The following C9 variants were observed in gnomAD, a reference collection of about 807,000 sequenced individuals.
The protein encoded by C9 is complement component C9.
Under a neutral mutation model 65.4 loss-of-function variants are expected in C9, and 63 were observed. That is an observed-to-expected ratio of 0.96 (90% CI 0.79 to 1.19). The LOEUF is 1.19. Among genes scored for constraint, C9 ranks in the 50% most tolerant of loss-of-function variants. C9 has a pLI of 0.00. For missense variants in C9, 744 were observed against 670.1 expected, an observed-to-expected ratio of 1.11 and a Z score of -1.22; for synonymous variants, 229 against 227.9, an observed-to-expected ratio of 1.00 and a Z score of -0.04.
chr5:39,356,157 C>T (rs899064900), intron 1 of C9, among the ~76,000 whole-genome samples: 18 of 152,280 alleles, frequency 1.2e-4, no homozygotes, highest in African/African-American at 4.3e-4. Context: ...CTTTACTCTA[C>T]CTTTTCTTGG....
At chr5:39,339,026 T>C (rs1014985208) in intron 4 of C9, among the ~76,000 whole-genome samples, 1 of 152,232 alleles carries the variant, frequency 6.6e-6, no homozygotes, top group Non-Finnish European at 1.5e-5. Flanking sequence ...AAGAAAGTTG[T>C]TTCTTGGATC....
chr5:39,296,108 C>T (rs868222831), intron 9 of C9, among the ~76,000 whole-genome samples: 6 of 151,566 alleles, frequency 4.0e-5, no homozygotes, highest in Non-Finnish European at 8.9e-5. Context: ...TGCTTCAGGA[C>T]ATTGGTCAGG....
At chr5:39,334,402 GC>G (rs1406576943) in intron 4 of C9, among the ~76,000 whole-genome samples, 2 of 150,192 alleles carry the variant, frequency 1.3e-5, no homozygotes, top group Non-Finnish European at 3.0e-5. Flanking sequence ...GAAGTGAGGA[GC>G]CCCTCCGCCC....
At chr5:39,359,102 G>GTGTGTGTGTA (rs1407613505) in intron 1 of C9, among the ~76,000 whole-genome samples, 24 of 103,602 alleles carry the variant, frequency 2.3e-4, no homozygotes, top group Admixed American at 3.3e-4. Context: ...GTGTGTGTGT[G>GTGTGTGTGTA]TATATATATA....
At chr5:39,314,625 A>T (rs941744715) in intron 6 of C9, among the ~76,000 whole-genome samples, 2 of 152,088 alleles carry the variant, frequency 1.3e-5, no homozygotes, top group Admixed American at 1.3e-4. Flanking sequence ...AACTTTTATC[A>T]CACCAGGTTT....
Position 39,285,213 on chromosome 5 carries a change from G to A in C9, c.1666C>T (p.Pro556Ser). 1 of 1,612,840 alleles carries A rather than the reference G, an allele frequency of 6.2e-7. No homozygotes were observed. The highest frequency in any genetic ancestry group is 2.2e-5 in the East Asian group (1 of 44,864). The change falls in exon 11 of 11, where the codon CCC becomes TCC. Residue 556 changes from proline to serine, a missense_variant. By Grantham distance (74) the Pro-to-Ser change is moderately conservative. Transcript: ENST00000263408. ...ISEGLPALEF[P>S]NEK ...AGCCAACAGCTCTATTTTTCATTGGGGAACTCTAGGGCTGGCAATCCTAGA... is the reference window on the plus strand; with the variant it reads ...AGCCAACAGCTCTATTTTTCATTGGAGAACTCTAGGGCTGGCAATCCTAGA...
intron 1 of C9, among the ~76,000 whole-genome samples, chr5:39,349,860 T>C (rs1175214324): frequency 6.6e-6 from 1 of 152,224 alleles, no homozygotes; most frequent in African/African-American, 2.4e-5. Context: ...CCTCTTCTTC[T>C]GATAGTCCTT....
At chr5:39,359,337 G>T (rs1754475000) in intron 1 of C9, among the ~76,000 whole-genome samples, 1 of 151,680 alleles carries the variant, frequency 6.6e-6, no homozygotes, top group Non-Finnish European at 1.5e-5. Context: ...CTAAGCAATT[G>T]GTCACTGGGC....
intron 1 of C9, among the ~76,000 whole-genome samples, chr5:39,346,743 T>C (rs375995541): frequency 4.6e-5 from 7 of 152,092 alleles, no homozygotes; most frequent in Admixed American, 4.6e-4. Context: ...GACCAATATC[T>C]CTGATGAACA....
At chr5:39,306,938 T>C in intron 8 of C9, 146 bp from the exon 9 acceptor site, 1 of 620,050 alleles carries the variant, frequency 1.6e-6, no homozygotes, top group Non-Finnish European at 2.8e-6. Flanking sequence ...TAAATATTGC[T>C]TATGCATTTT....
intron 8 of C9, among the ~76,000 whole-genome samples, chr5:39,307,877 G>A (rs933929926): frequency 3.3e-5 from 5 of 152,144 alleles, no homozygotes; most frequent in Admixed American, 1.3e-4. Context: ...ATGGATGCAC[G>A]AACATTGTCG....
chr5:39,345,594 G>C (rs577499265), intron 1 of C9, among the ~76,000 whole-genome samples: 1 of 152,282 alleles, frequency 6.6e-6, no homozygotes, highest in African/African-American at 2.4e-5. Flanking sequence ...ACACCCCACT[G>C]TCAACATTAG....
chr5:39,339,344 A>C (rs1325391227), intron 4 of C9, among the ~76,000 whole-genome samples: 1 of 152,248 alleles, frequency 6.6e-6, no homozygotes, highest in Non-Finnish European at 1.5e-5. Flanking sequence ...GAAATGCTTT[A>C]TCTGGTGCCT....
chr5:39,297,244 T>A (rs1186705868), intron 9 of C9, among the ~76,000 whole-genome samples: 1 of 151,612 alleles, frequency 6.6e-6, no homozygotes, highest in Non-Finnish European at 1.5e-5. Flanking sequence ...ATTATCATTA[T>A]CAAAATATCA....
Position 39,318,917 on chromosome 5 carries a change from CTAGATT to C in C9, c.616-2894_616-2889del, listed in dbSNP as rs1323390245. On this transcript the variant is annotated intron_variant, in intron 5 of 10. Coordinates refer to ENST00000263408, the MANE Select transcript of C9 (RefSeq NM_001737.5). ...TCTAATGACTTTAATATAGTCTAAA[CTAGATT>C]TATTTCTAGTCAATCTCTCCCTAAC... 2.4e-4 allele frequency among the ~76,000 whole-genome samples: 36 copies of C among 152,294 alleles called. 2 individuals are homozygous for C. The East Asian group carries it at 2.7e-3, about 11-fold the overall frequency.
chr5:39,343,233 G>A (rs917497774), intron 1 of C9, among the ~76,000 whole-genome samples: 24 of 152,166 alleles, frequency 1.6e-4, no homozygotes, highest in Admixed American at 2.6e-4. Flanking sequence ...GCAAGGCATC[G>A]CCTCACCCGG....
intron 10 of C9, among the ~76,000 whole-genome samples, chr5:39,288,366 C>T: frequency 1.3e-5 from 2 of 151,672 alleles, no homozygotes; most frequent in Middle Eastern, 6.8e-3. Context: ...CACATAAACA[C>T]ATATATATGC....
intron 8 of C9, 84 bp from the exon 9 acceptor site, chr5:39,306,876 A>G (rs893241215): frequency 1.1e-6 from 1 of 904,816 alleles, no homozygotes; most frequent in Non-Finnish European, 1.8e-6. Context: ...ATAAACATTT[A>G]TTGAGTCCTT....
At position 39,357,242 on chromosome 5, in the gene C9, G is replaced by A. The variant is rs542224439; in HGVS notation, c.77+7146C>T. On this transcript the variant is annotated intron_variant, in intron 1 of 10. Transcript: ENST00000263408. ...TTTTGGTCAATAAATATGATAATGT[G>A]GCTTCTTTGAGGGGAGAAATATAAG... is the stretch of plus-strand genomic sequence containing the variant. 2.4e-4 allele frequency among the ~76,000 whole-genome samples: 37 copies of A among 152,270 alleles called. 1 individual carries two copies. In the South Asian group the frequency reaches 7.2e-3, roughly 30 times the overall value.
Sources: allele counts gnomAD v4.1 joint callset (sites outside exome capture counted in the v4.1 genomes callset), GRCh38; gene constraint gnomAD v4.1.1; transcripts MANE v1.5; gene names NCBI Gene and HGNC (gene_info 2026-07-23, HGNC 2026-07-21).